Variants in GPC5 observed in about 807,000 individuals in gnomAD.
GPC5 encodes glypican 5.
Under a neutral mutation model 53.9 loss-of-function variants are expected in GPC5, and 47 were observed. The ratio of observed to expected loss-of-function variants is 0.87; its 90% CI spans 0.69 to 1.11. The LOEUF (loss-of-function observed/expected upper bound fraction) is 1.11. Ranked by LOEUF, GPC5 falls within the 50% of genes most tolerant of loss-of-function variation. The pLI, the probability that GPC5 is intolerant of heterozygous loss-of-function variation, is 0.00. For synonymous variants in GPC5, 286 were observed against 263.3 expected, an observed-to-expected ratio of 1.09 and a Z score of -0.84; for missense variants, 748 against 713.1, an observed-to-expected ratio of 1.05 and a Z score of -0.56.
chr13:92,759,849 G>A (rs1875085908), intron 7 of GPC5, among the ~76,000 whole-genome samples: 1 of 151,964 alleles, frequency 6.6e-6, no homozygotes, highest in Admixed American at 6.6e-5. Flanking sequence ...TCATCTGTGG[G>A]TTCTTCATAA....
chr13:92,456,733 C>G (rs762408556), intron 7 of GPC5, among the ~76,000 whole-genome samples: 1 of 152,174 alleles, frequency 6.6e-6, no homozygotes, highest in Non-Finnish European at 1.5e-5. Flanking sequence ...CTTGAAAATC[C>G]TTTCTCTGTC....
At chr13:91,776,391 A>G (rs1482733761) in intron 5 of GPC5, among the ~76,000 whole-genome samples, 7 of 152,222 alleles carry the variant, frequency 4.6e-5, no homozygotes, top group Non-Finnish European at 8.8e-5. Context: ...ATAGGTTCAG[A>G]ATAGACAGCC....
intron 7 of GPC5, among the ~76,000 whole-genome samples, chr13:92,209,586 G>A (rs2042360282): frequency 6.6e-6 from 1 of 152,118 alleles, no homozygotes; most frequent in South Asian, 2.1e-4. Context: ...CCCTGAATCT[G>A]TGAGTTGTTT....
intron 7 of GPC5, among the ~76,000 whole-genome samples, chr13:92,232,498 C>T (rs1435404987): frequency 3.3e-5 from 5 of 152,166 alleles, no homozygotes; most frequent in Admixed American, 3.3e-4. Flanking sequence ...TAATATTTCT[C>T]ATGTCTGGCA....
intron 1 of GPC5, among the ~76,000 whole-genome samples, chr13:91,447,676 C>A (rs1880901319): frequency 6.6e-6 from 1 of 152,112 alleles, no homozygotes; most frequent in African/African-American, 2.4e-5. Flanking sequence ...TTGTTATGTG[C>A]ATGCGTCTTG....
intron 7 of GPC5, among the ~76,000 whole-genome samples, chr13:92,326,513 G>T (rs937153270): frequency 2.0e-5 from 3 of 151,868 alleles, no homozygotes; most frequent in Non-Finnish European, 4.4e-5. Context: ...TTTGTATTAT[G>T]TTTACAATAG....
chr13:92,807,688 T>G (rs1259389935), intron 7 of GPC5, among the ~76,000 whole-genome samples: 1 of 152,116 alleles, frequency 6.6e-6, no homozygotes, highest in Admixed American at 6.6e-5. Flanking sequence ...CTTTAGGTTT[T>G]TATCCCAATA....
intron 7 of GPC5, among the ~76,000 whole-genome samples, chr13:92,309,428 C>A (rs376124597): frequency 6.6e-6 from 1 of 151,896 alleles, no homozygotes; most frequent in Non-Finnish European, 1.5e-5. Flanking sequence ...ATAAGACTAG[C>A]GAAATTTGAA....
At chr13:91,547,115 G>A (rs1034211975) in intron 2 of GPC5, among the ~76,000 whole-genome samples, 8 of 152,066 alleles carry the variant, frequency 5.3e-5, no homozygotes, top group Middle Eastern at 3.2e-3. Flanking sequence ...TGGAGGAGGA[G>A]TAATTACATT....
At chr13:92,642,902 G>A (rs574726991) in intron 7 of GPC5, among the ~76,000 whole-genome samples, 64 of 152,246 alleles carry the variant, frequency 4.2e-4, no homozygotes, top group African/African-American at 1.4e-3. Context: ...TTTTAAGGAG[G>A]TTGGCTAACG....
At chr13:91,741,421 A>C (rs1017927982) in intron 4 of GPC5, among the ~76,000 whole-genome samples, 2 of 152,214 alleles carry the variant, frequency 1.3e-5, no homozygotes, top group East Asian at 3.8e-4. Flanking sequence ...CATGATTCTC[A>C]TTCAGAATGT....
chr13:92,332,789 C>T (rs2043297331), intron 7 of GPC5, among the ~76,000 whole-genome samples: 1 of 152,134 alleles, frequency 6.6e-6, no homozygotes, highest in Admixed American at 6.6e-5. Context: ...ATAGGCTCTG[C>T]CTTAATGAAA....
chr13:91,986,250 AG>A (rs1407524077), intron 6 of GPC5, among the ~76,000 whole-genome samples: 1 of 151,662 alleles, frequency 6.6e-6, no homozygotes, highest in African/African-American at 2.4e-5. Flanking sequence ...TATTTTTAGT[AG>A]AGACGGGGTT....
rs150646394 is a variant in GPC5, at chr13:92,525,700, G to A, written c.1562-340582G>A. ...GTCAGAGCAGACAGTCATTTGATGC[G>A]ATCTTTTCTCTTCTTCCAAAATAAC... On this transcript the variant is annotated intron_variant, in intron 7 of 7. Transcript: ENST00000377067. Among the ~76,000 whole-genome samples the A allele has an allele frequency of 4.0e-3, 607 of 151,980 alleles. 7 individuals are homozygous for A. The highest frequency in any genetic ancestry group is 0.014 in the African/African-American group (590 of 41,496).
chr13:91,442,991 A>G (rs757297300), intron 1 of GPC5, among the ~76,000 whole-genome samples: 1 of 152,208 alleles, frequency 6.6e-6, no homozygotes, highest in Non-Finnish European at 1.5e-5. Context: ...TTCCAAATTA[A>G]TATAATCTTC....
intron 7 of GPC5, among the ~76,000 whole-genome samples, chr13:92,550,365 T>C (rs1197491146): frequency 6.6e-6 from 1 of 151,936 alleles, no homozygotes; most frequent in Non-Finnish European, 1.5e-5. Context: ...ATTCAGTATA[T>C]ATGTCTCTGA....
chr13:91,973,631 A>T (rs995526618), intron 6 of GPC5, among the ~76,000 whole-genome samples: 2 of 152,124 alleles, frequency 1.3e-5, no homozygotes, highest in African/African-American at 2.4e-5. Context: ...ATGGTGATGT[A>T]CAGATGGGTT....
chr13:91,596,923 T>A (rs754398994), intron 2 of GPC5, among the ~76,000 whole-genome samples: 1 of 152,162 alleles, frequency 6.6e-6, no homozygotes, highest in Non-Finnish European at 1.5e-5. Context: ...AGAACCCTCA[T>A]TGAATCTCTG....
At chr13:91,840,690 T>C (rs1009290869) in intron 5 of GPC5, among the ~76,000 whole-genome samples, 1 of 151,882 alleles carries the variant, frequency 6.6e-6, no homozygotes, top group African/African-American at 2.4e-5. Flanking sequence ...GGAGGCACTT[T>C]ACTTAATTTT....
Sources: gnomAD v4.1 joint callset for allele counts (sites outside exome capture counted in the v4.1 genomes callset) on GRCh38, gnomAD v4.1.1 for gene constraint, MANE v1.5 for transcripts, NCBI Gene and HGNC (gene_info 2026-07-23, HGNC 2026-07-21) for gene names.